Variants in BICRAL observed in about 807,000 individuals in gnomAD.
BICRAL encodes the protein BICRA like chromatin remodeling complex associated protein, also known as BRD4-interacting chromatin-remodeling complex-associated protein-like.
BICRAL carries 8 observed loss-of-function variants against 91.8 expected under a neutral mutation model. The ratio of observed to expected loss-of-function variants is 0.09; its 90% CI spans 0.05 to 0.16. BICRAL has a LOEUF of 0.16. Among genes scored for constraint, BICRAL ranks in the 10% least tolerant of loss-of-function variants. BICRAL has a pLI of 1.00. For synonymous variants in BICRAL, 445 were observed against 491.1 expected (o/e 0.91, Z 1.24); for missense variants, 1,038 against 1,310.9 (o/e 0.79, Z 3.21).
At chr6:42,810,438 G>A (rs2113916102) in intron 2 of BICRAL, 37 bp downstream of exon 2, 1 of 152,210 alleles carries the variant, frequency 6.6e-6, no homozygotes, top group East Asian at 1.9e-4. Context: ...CCAAAAGAAA[G>A]TGAGTTCCTT....
In BICRAL at chr6:42,816,350, C is replaced by CAA. The variant is rs1255476201; in HGVS notation, c.-5-5656_-5-5655dup. Among the ~76,000 whole-genome samples, 810 of 134,094 alleles carry CAA rather than the reference C, an allele frequency of 6.0e-3. 3 individuals are homozygous for CAA. Among genetic ancestry groups the CAA allele is most frequent in the African/African-American group, 0.019 (698 of 36,458 alleles). The allele number at this position is 134,094 out of a possible 152,430, so 88.0% of individuals were successfully genotyped here. A position where few individuals can be genotyped will look rare whatever the true frequency, so the allele number is the denominator to read the frequency against. ...GCAACATAATGAAACCCTGTCTCTT[C>CAA]AAAAAAAAAAAAAGTTCTGAGTATT... On this transcript the variant is annotated intron_variant, in intron 2 of 12. Coordinates refer to ENST00000314073, the MANE Select transcript of BICRAL (RefSeq NM_001393499.1).
chr6:42,790,202 G>T (rs1052853966), intron 1 of BICRAL, among the ~76,000 whole-genome samples: 1 of 152,120 alleles, frequency 6.6e-6, no homozygotes, highest in Admixed American at 6.6e-5. Context: ...CTGTTACCCA[G>T]CCTGGAGTGC....
rs189312960 is a variant in BICRAL, at chr6:42,866,785, G to A, written c.*1339G>A. The A allele has an allele frequency of 2.9e-4, 132 of 456,324 alleles. No homozygotes were observed. Among genetic ancestry groups the A allele is most frequent in the Admixed American group, 5.9e-4 (25 of 42,546 alleles). The allele number at this position is 456,324 out of a possible 1,614,324, so 28.3% of individuals were successfully genotyped here. On this transcript the variant is annotated 3_prime_UTR_variant, in exon 13 of 13. Transcript: ENST00000314073. ...TATTTCTTGTCAGGGAGTATTCTCCGTTTTCCTTTCTCGTATACCTGCCCC... is the reference window on the plus strand; with the variant it reads ...TATTTCTTGTCAGGGAGTATTCTCCATTTTCCTTTCTCGTATACCTGCCCC...
intron 1 of BICRAL, among the ~76,000 whole-genome samples, chr6:42,766,989 G>C (rs1762645340): frequency 6.6e-6 from 1 of 151,260 alleles, no homozygotes. Context: ...GCAGTGAGCT[G>C]AGATGGCGCC....
chr6:42,864,042 C>T (rs1765632830), intron 12 of BICRAL, among the ~76,000 whole-genome samples: 1 of 152,110 alleles, frequency 6.6e-6, no homozygotes, highest in Non-Finnish European at 1.5e-5. Context: ...TGGCAGATGC[C>T]TGTAATCCCA....
At chr6:42,766,847 T>C (rs1045718259) in intron 1 of BICRAL, among the ~76,000 whole-genome samples, 1 of 152,154 alleles carries the variant, frequency 6.6e-6, no homozygotes, top group Non-Finnish European at 1.5e-5. Flanking sequence ...GAGACCATCC[T>C]GGCTAACACA....
chr6:42,750,250 T>C (rs1217129131), intron 1 of BICRAL, among the ~76,000 whole-genome samples: 1 of 151,936 alleles, frequency 6.6e-6, no homozygotes, highest in African/African-American at 2.4e-5. Flanking sequence ...AGTCTTGACC[T>C]CCCAGGCTGA....
intron 10 of BICRAL, 149 bp downstream of exon 10, chr6:42,857,385 T>C (rs1765402618): frequency 1.6e-6 from 1 of 638,704 alleles, no homozygotes; most frequent in South Asian, 2.1e-5. Flanking sequence ...GTTTACTCAA[T>C]TTCCCAGTCC....
intron 6 of BICRAL, among the ~76,000 whole-genome samples, chr6:42,835,900 AGC>A (rs1000443701): frequency 5.9e-5 from 9 of 152,240 alleles, no homozygotes; most frequent in Non-Finnish European, 1.2e-4. Flanking sequence ...ACTGCGCTAT[AGC>A]CTGGGTGACA....
intron 7 of BICRAL, among the ~76,000 whole-genome samples, chr6:42,853,140 T>C (rs1765247612): frequency 6.6e-6 from 1 of 151,882 alleles, no homozygotes; most frequent in South Asian, 2.1e-4. Context: ...GCTCTCTACA[T>C]GCATGTTTGG....
At chr6:42,851,600 A>G (rs1276034010) in intron 6 of BICRAL, among the ~76,000 whole-genome samples, 1 of 152,210 alleles carries the variant, frequency 6.6e-6, no homozygotes, top group Admixed American at 6.5e-5. Flanking sequence ...GATATACCAG[A>G]TGGTAGTGAT....
rs573099266 is a variant in BICRAL at position 42,791,092 on chromosome 6, C to T, written c.-102+8991C>T. On this transcript the variant is annotated intron_variant, in intron 1 of 12. Coordinates refer to ENST00000314073, the MANE Select transcript of BICRAL (RefSeq NM_001393499.1). ...GGAGAGCTCAGGGGCTGTCAGAATGCTGTGTGGGAAGGTGGAGGATGAAAG... is the reference window on the plus strand; with the variant it reads ...GGAGAGCTCAGGGGCTGTCAGAATGTTGTGTGGGAAGGTGGAGGATGAAAG... Among the ~76,000 whole-genome samples the T allele has an allele frequency of 9.2e-5, 14 of 152,098 alleles. No homozygotes were observed. The East Asian group carries it at 2.5e-3, about 27-fold the overall frequency.
intron 6 of BICRAL, among the ~76,000 whole-genome samples, chr6:42,844,024 G>A (rs1280764176): frequency 2.7e-5 from 4 of 145,752 alleles, no homozygotes; most frequent in East Asian, 4.1e-4. Flanking sequence ...GGCTGGTCTC[G>A]AACTCCTGAC....
At chr6:42,844,705 G>A (rs1010006999) in intron 6 of BICRAL, among the ~76,000 whole-genome samples, 1 of 152,020 alleles carries the variant, frequency 6.6e-6, no homozygotes, top group Non-Finnish European at 1.5e-5. Flanking sequence ...AGACTGAGGA[G>A]AGAGCAGGAG....
intron 6 of BICRAL, among the ~76,000 whole-genome samples, chr6:42,842,493 A>T (rs941396263): frequency 3.3e-5 from 5 of 152,168 alleles, no homozygotes; most frequent in Non-Finnish European, 5.9e-5. Flanking sequence ...GAAACCCTCC[A>T]CTTCCACCAG....
intron 6 of BICRAL, among the ~76,000 whole-genome samples, chr6:42,832,557 G>T (rs1764518103): frequency 6.7e-6 from 1 of 148,472 alleles, no homozygotes; most frequent in Middle Eastern, 3.5e-3. Flanking sequence ...ATTTGTTTTG[G>T]TTTCAAAGAT....
rs111981914 is a variant in BICRAL, at chr6:42,798,673, G to T, written c.-101-11633G>T. Among the ~76,000 whole-genome samples the T allele has an allele frequency of 4.4e-3, 670 of 152,250 alleles. 5 individuals carry two copies. Among genetic ancestry groups the T allele is most frequent in the African/African-American group, 0.015 (643 of 41,530 alleles). On this transcript the variant is annotated intron_variant, in intron 1 of 12. Transcript: ENST00000314073. ...ATCAAGTCACTACATTCCAGCCTGG[G>T]TACTGTCTCTAAATAAATACATAAA...
intron 1 of BICRAL, among the ~76,000 whole-genome samples, chr6:42,767,175 G>C (rs1204621876): frequency 1.3e-5 from 2 of 152,152 alleles, no homozygotes; most frequent in Middle Eastern, 3.2e-3. Context: ...AGAAAGAAAA[G>C]AGGAGAGAGG....
At chr6:42,797,935 C>T (rs936166881) in intron 1 of BICRAL, among the ~76,000 whole-genome samples, 6 of 152,140 alleles carry the variant, frequency 3.9e-5, no homozygotes, top group African/African-American at 1.4e-4. Context: ...ACTATTGCAT[C>T]ACTGCACTCC....
Sources: gnomAD v4.1 joint callset for allele counts (sites outside exome capture counted in the v4.1 genomes callset) on GRCh38, gnomAD v4.1.1 for gene constraint, MANE v1.5 for transcripts, NCBI Gene and HGNC (gene_info 2026-07-23, HGNC 2026-07-21) for gene names.